Variants in XKR4 observed in about 807,000 individuals in gnomAD.
The protein encoded by XKR4 is XK-related protein 4.
Under a neutral mutation model 53.9 loss-of-function variants are expected in XKR4, and 12 were observed. The ratio of observed to expected loss-of-function variants is 0.22; its 90% confidence interval spans 0.14 to 0.36. The LOEUF is 0.36. Among genes scored for constraint, XKR4 ranks in the 10% least tolerant of loss-of-function variants. The pLI is 1.00. For missense variants in XKR4, 799 were observed against 859.5 expected, an observed-to-expected ratio of 0.93 and a Z score of 0.88; for synonymous variants, 354 against 362.4, an observed-to-expected ratio of 0.98 and a Z score of 0.26.
intron 1 of XKR4, among the ~76,000 whole-genome samples, chr8:55,147,404 A>G (rs1187770688): frequency 6.6e-6 from 1 of 152,234 alleles, no homozygotes; most frequent in Non-Finnish European, 1.5e-5. Context: ...AAAGAGAGGA[A>G]AGTCTCTCCT....
chr8:55,306,713 T>C (rs1388690342), intron 1 of XKR4, among the ~76,000 whole-genome samples: 1 of 152,106 alleles, frequency 6.6e-6, no homozygotes, highest in East Asian at 1.9e-4. Flanking sequence ...GAATTCAAGA[T>C]GAGATTTGGG....
intron 2 of XKR4, among the ~76,000 whole-genome samples, chr8:55,441,771 T>C (rs78463679): frequency 0.012 from 1,890 of 152,284 alleles, 34 homozygotes; most frequent in African/African-American, 0.044. Context: ...AATCGAAGTA[T>C]AGAGCATAAT....
At chr8:55,124,400 G>A (rs868008501) in intron 1 of XKR4, among the ~76,000 whole-genome samples, 26 of 152,322 alleles carry the variant, frequency 1.7e-4, no homozygotes, top group African/African-American at 6.3e-4. Flanking sequence ...GAGCTGTGGT[G>A]GTTTCCCTTT....
chr8:55,524,080 T>G lies in XKR4; in HGVS notation c.1806T>G (p.Asn602Lys). 3.7e-6 allele frequency: 6 copies of G among 1,614,216 alleles called. No homozygotes were observed. The highest frequency in any genetic ancestry group is 3.3e-4 in the Middle Eastern group (2 of 6,062). The change falls in exon 3 of 3, where the codon AAT (asparagine) becomes AAG (lysine). Residue 602 changes from asparagine to lysine, a missense_variant. Asn to Lys is a moderately conservative substitution (Grantham distance 94, BLOSUM62 0). Around this residue, in one of 3 missense-constraint regions of XKR4, gnomAD observed 269 missense variants for 264.4 expected, o/e 1.02. Transcript: ENST00000327381. ...TCATTAAAATTGACTTGTTCAGGAA[T>G]AGGTACCCAGCATGGGAGAGACATG... The part of the protein sequence containing the change: ...ESVIKIDLFR[N>K]RYPAWERHVL...
chr8:55,467,467 T>C (rs768194599), intron 2 of XKR4, among the ~76,000 whole-genome samples: 2 of 152,102 alleles, frequency 1.3e-5, no homozygotes, highest in Non-Finnish European at 2.9e-5. Flanking sequence ...GGGGAGTGGA[T>C]TGCACATGTG....
chr8:55,535,474 G>C lies in XKR4; in HGVS notation c.*11247G>C, dbSNP rs1176816294. On this transcript the variant is annotated 3_prime_UTR_variant, in exon 3 of 3. Transcript: ENST00000327381. ...CAGCAATGAAAACTAACAAGTTAAA[G>C]AAAATGTTCATTTTCTGAACCCCAG... The C allele has an allele frequency of 6.9e-6, 1 of 144,652 alleles. No homozygotes were observed. Among genetic ancestry groups the C allele is most frequent in the African/African-American group, 2.6e-5 (1 of 38,698 alleles). The allele number at this position is 144,652 out of a possible 1,614,324, so 9.0% of individuals were successfully genotyped here. A position where few individuals can be genotyped will look rare whatever the true frequency, so the allele number is the denominator to read the frequency against.
At chr8:55,340,865 A>G (rs1369020043) in intron 1 of XKR4, among the ~76,000 whole-genome samples, 1 of 152,226 alleles carries the variant, frequency 6.6e-6, no homozygotes, top group Non-Finnish European at 1.5e-5. Context: ...ATGAAGGACC[A>G]GGGAGAGCAG....
Position 55,458,000 on chromosome 8 carries a change from A to T in XKR4, c.1007-65281A>T, listed in dbSNP as rs183153510. 1.2e-4 allele frequency among the ~76,000 whole-genome samples: 18 copies of T among 152,306 alleles called. No individual in the cohort carries two copies. In the East Asian group the frequency reaches 3.3e-3, roughly 28 times the overall value. On this transcript the variant is annotated intron_variant, in intron 2 of 2. Transcript: ENST00000327381. ...GAAATTTAAAGATCTAAATGAAAGG[A>T]GATATACCATGCTCACTGATTGAAA... is the stretch of plus-strand genomic sequence containing the variant.
chr8:55,155,064 C>G (rs1027755813), intron 1 of XKR4, among the ~76,000 whole-genome samples: 5 of 152,200 alleles, frequency 3.3e-5, no homozygotes, highest in African/African-American at 1.2e-4. Flanking sequence ...CTTCTTCACC[C>G]TTTCTGCAGA....
At chr8:55,517,730 T>G (rs1471634762) in intron 2 of XKR4, 1 of 152,060 alleles carries the variant, frequency 6.6e-6, no homozygotes, top group Non-Finnish European at 1.5e-5. Context: ...AGCTGCCAGG[T>G]CGGGCCTTCC....
intron 1 of XKR4, among the ~76,000 whole-genome samples, chr8:55,353,181 G>T (rs955683353): frequency 1.3e-5 from 2 of 152,144 alleles, no homozygotes; most frequent in Non-Finnish European, 2.9e-5. Context: ...GGGTTGAATC[G>T]TGTCCTCCCT....
At chr8:55,493,365 C>T (rs993643700) in intron 2 of XKR4, among the ~76,000 whole-genome samples, 3 of 152,196 alleles carry the variant, frequency 2.0e-5, no homozygotes, top group African/African-American at 7.2e-5. Flanking sequence ...CTATGCTCAC[C>T]TCCAGAGGTA....
At chr8:55,520,214 T>C (rs192907578) in intron 2 of XKR4, among the ~76,000 whole-genome samples, 1 of 152,390 alleles carries the variant, frequency 6.6e-6, no homozygotes. Context: ...TCTTAACTTG[T>C]ATATGACCCC....
intron 2 of XKR4, among the ~76,000 whole-genome samples, chr8:55,361,674 T>A (rs1210489305): frequency 6.6e-6 from 1 of 151,984 alleles, no homozygotes; most frequent in African/African-American, 2.4e-5. Flanking sequence ...CCCTTGGCAC[T>A]CATTAAAATT....
At chr8:55,447,525 C>G (rs1805364729) in intron 2 of XKR4, among the ~76,000 whole-genome samples, 1 of 152,168 alleles carries the variant, frequency 6.6e-6, no homozygotes. Flanking sequence ...TGTTTTGATT[C>G]TTTTACACTG....
chr8:55,497,568 G>A (rs910373873), intron 2 of XKR4, among the ~76,000 whole-genome samples: 1 of 152,168 alleles, frequency 6.6e-6, no homozygotes, highest in South Asian at 2.1e-4. Context: ...CAGAAAATGT[G>A]AACTTCATTC....
chr8:55,143,102 C>T (rs1194048415), intron 1 of XKR4, among the ~76,000 whole-genome samples: 1 of 152,140 alleles, frequency 6.6e-6, no homozygotes, highest in African/African-American at 2.4e-5. Context: ...TGTTATGGTT[C>T]ACTTATTCTC....
At chr8:55,338,883 T>C (rs545923597) in intron 1 of XKR4, among the ~76,000 whole-genome samples, 2 of 152,332 alleles carry the variant, frequency 1.3e-5, no homozygotes, top group South Asian at 4.1e-4. Context: ...TAACATTTCT[T>C]AGGCCAGTAA....
chr8:55,318,243 C>A (rs536530452), intron 1 of XKR4, among the ~76,000 whole-genome samples: 40 of 152,260 alleles, frequency 2.6e-4, no homozygotes, highest in Middle Eastern at 6.8e-3. Flanking sequence ...TTATAAAAAT[C>A]ATGACAAATA....
Sources: allele counts gnomAD v4.1 joint callset (sites outside exome capture counted in the v4.1 genomes callset), GRCh38; gene constraint gnomAD v4.1.1; regional missense constraint gnomAD v4.1.1; transcripts MANE v1.5; gene names NCBI Gene and HGNC (gene_info 2026-07-23, HGNC 2026-07-21).